ITGB2: variants seen among roughly 807,000 people sequenced by gnomAD.
ITGB2 encodes integrin beta-2.
ITGB2 carries 56 observed loss-of-function variants against 86.8 expected under a neutral mutation model. The observed-to-expected ratio is 0.65, with a 90% CI of 0.52 to 0.81. The LOEUF (loss-of-function observed/expected upper bound fraction) is 0.81. Among genes scored for constraint, ITGB2 ranks in the 30% least tolerant of loss-of-function variants. The pLI is 0.00. For synonymous variants in ITGB2, 457 were observed against 450.4 expected (o/e 1.01, Z -0.19); for missense variants, 948 against 1,061.2 (o/e 0.89, Z 1.48).
rs200615045 is a variant in ITGB2 at position 44,890,060 on chromosome 21, G to A, written c.1575C>T (p.Pro525=). ...GQCLCHTSDV[P]GKLIYGQYCE... is the part of the protein sequence containing the mutation. ...AGTACTGCCCGTATATCAGCTTGCC[G>A]GGGACGTCGCTGGTGTGGCACAGGC... Residue 525 remains proline, a synonymous_variant, in exon 12 of 16, where the codon CCC becomes CCT. Transcript: ENST00000652462. 1.9e-4 allele frequency: 308 copies of A among 1,613,412 alleles called. No homozygotes were observed. The highest frequency in any genetic ancestry group is 1.6e-4 in the Middle Eastern group (1 of 6,084).
upstream of ITGB2, among the ~76,000 whole-genome samples, chr21:44,925,481 A>G (rs1388776800): frequency 6.6e-6 from 1 of 151,560 alleles, no homozygotes; most frequent in Non-Finnish European, 1.5e-5. Flanking sequence ...GGAAGGAAGG[A>G]AAAAGAAAAG....
rs11327948 is a variant in ITGB2, at chr21:44,892,604, C to CAAAA, written c.1225-612_1225-609dup. Among the ~76,000 whole-genome samples the CAAAA allele has an allele frequency of 6.6e-3, 466 of 71,114 alleles. 27 individuals are homozygous for CAAAA. The highest frequency in any genetic ancestry group is 0.03 in the South Asian group (50 of 1,676). 46.7% of individuals were successfully genotyped at this position (71,114 alleles called of 152,430 possible). On this transcript the variant is annotated intron_variant, in intron 10 of 15. Coordinates refer to ENST00000652462, the MANE Select transcript of ITGB2 (RefSeq NM_000211.5). ...TGGGCGACAGAGCGAAACTCCATCT[C>CAAAA]AAAAAAAAAAAAAAAAAAAAAAATC...
chr21:44,896,956 C>T (rs970460463), intron 8 of ITGB2, among the ~76,000 whole-genome samples: 9 of 152,180 alleles, frequency 5.9e-5, no homozygotes, highest in African/African-American at 1.2e-4. Flanking sequence ...AGGAGGGGAC[C>T]GTCATGGCCA....
chr21:44,897,512 C>T (rs2083887371), intron 8 of ITGB2, among the ~76,000 whole-genome samples: 2 of 152,214 alleles, frequency 1.3e-5, no homozygotes, highest in South Asian at 2.1e-4. Context: ...CCCTTTAGGG[C>T]GGCTGCTCTG....
At chr21:44,904,655 A>T (rs550920076) in intron 4 of ITGB2, among the ~76,000 whole-genome samples, 2 of 151,512 alleles carry the variant, frequency 1.3e-5, no homozygotes, top group East Asian at 3.9e-4. Context: ...ACATACACAC[A>T]CCAAACACAC....
intron 11 of ITGB2, among the ~76,000 whole-genome samples, chr21:44,890,709 G>T (rs374139653): frequency 6.6e-6 from 1 of 152,180 alleles, no homozygotes; most frequent in Admixed American, 6.5e-5. Context: ...GCATCAAGCC[G>T]CTGGCAGGCA....
intron 14 of ITGB2, among the ~76,000 whole-genome samples, chr21:44,887,978 GC>G (rs925366764): frequency 1.3e-5 from 2 of 152,222 alleles, no homozygotes; most frequent in Non-Finnish European, 2.9e-5. Flanking sequence ...CCCAGCCCCA[GC>G]CCCTCTGCCT....
rs1280463621 is a variant in ITGB2 at position 44,926,135 on chromosome 21, T to TAAATA, written c.-4+2518_-4+2519insTATTT. ...ATATATATACAATAAATAAATAAAT[T>TAAATA]AATTAATTAATTAAATAAAGGCTGG... On this transcript the variant is annotated intron_variant, in intron 1 of 15. Coordinates refer to the ITGB2 transcript ENST00000355153. Among the ~76,000 whole-genome samples the TAAATA allele has an allele frequency of 1.5e-4, 23 of 150,652 alleles. 1 individual carries two copies. The South Asian group carries it at 3.5e-3, about 23-fold the overall frequency.
At chr21:44,926,201 C>T (rs1422484156) in intron 1 of ITGB2, among the ~76,000 whole-genome samples, 1 of 145,414 alleles carries the variant, frequency 6.9e-6, no homozygotes, top group Non-Finnish European at 1.5e-5. Flanking sequence ...CGTGGGGCTT[C>T]CCAGAGCCGT....
In ITGB2 at chr21:44,910,327, T is replaced by C. The variant is rs746427628; in HGVS notation, c.104A>G (p.Glu35Gly). The change falls in exon 3 of 16, where the codon GAA becomes GGA. Residue 35 changes from glutamate (E) to glycine (G), a missense_variant. Physicochemically the swap from Glu to Gly is moderately conservative, Grantham distance 98. Transcript: ENST00000652462. ...CTKFKVSSCR[E>G]CIESGPGCTW... ...GCAGCCGGGCCCCGACTCGATGCAT[T>C]CCCGGCAGCTGCTGACCTTGAACTT... The C allele has an allele frequency of 5.0e-6, 8 of 1,613,984 alleles. No homozygotes were observed. Among genetic ancestry groups the C allele is most frequent in the African/African-American group, 1.3e-5 (1 of 74,912 alleles).
In ITGB2 at chr21:44,910,580, G is replaced by A. The variant is rs564508160; in HGVS notation, c.58+145C>T. The A allele has an allele frequency of 3.7e-5, 51 of 1,371,192 alleles. No homozygotes were observed. In the East Asian group the frequency reaches 1.2e-3, roughly 32 times the overall value. The allele number at this position is 1,371,192 out of a possible 1,614,324, so 84.9% of individuals were successfully genotyped here. On this transcript the variant is annotated intron_variant, in intron 2 of 15. Transcript: ENST00000652462. ...AGCCTCCTGGCACGTGCGGAGACGA[G>A]GCCTGAGTCCCCGACCTACCCCCAG...
In ITGB2 at chr21:44,886,708, C is replaced by T. The variant is rs753118064; in HGVS notation, c.2247+28G>A. The T allele has an allele frequency of 2.3e-5, 37 of 1,613,732 alleles. No homozygotes were observed. The East Asian group carries it at 2.4e-4, about 11-fold the overall frequency. ...AGTGTGGGACGCACGTGCCCCTCTG[C>T]GTGGGACCCCCAAGGACGGCCACTT... On this transcript the variant is annotated intron_variant, in intron 15 of 15. Transcript: ENST00000652462.
At chr21:44,896,104 C>T (rs913541265) in intron 8 of ITGB2, among the ~76,000 whole-genome samples, 3 of 151,196 alleles carry the variant, frequency 2.0e-5, no homozygotes, top group African/African-American at 7.3e-5. Flanking sequence ...TGCGGTGTGA[C>T]TGCTCCCGCC....
At chr21:44,903,597 C>T (rs912771565) in intron 4 of ITGB2, 62 bp from the exon 5 acceptor site, 123 of 1,597,230 alleles carry the variant, frequency 7.7e-5, no homozygotes, top group Non-Finnish European at 9.7e-5. Flanking sequence ...TGTCTGGGGG[C>T]GTGTGGCCCC....
intron 8 of ITGB2, among the ~76,000 whole-genome samples, chr21:44,897,444 C>T (rs898433334): frequency 4.6e-5 from 7 of 152,146 alleles, no homozygotes; most frequent in South Asian, 2.1e-4. Context: ...AAGAAGATGG[C>T]GGTGATGGCC....
intron 9 of ITGB2, chr21:44,893,805 C>T (rs1284229008): frequency 1.9e-5 from 9 of 480,398 alleles, no homozygotes; most frequent in Non-Finnish European, 3.5e-5. Context: ...TTCTGCTGCT[C>T]CTCAGCCTTG....
chr21:44,924,702 T>C (rs1389674642), upstream of ITGB2, among the ~76,000 whole-genome samples: 1 of 151,958 alleles, frequency 6.6e-6, no homozygotes. Flanking sequence ...AAAACAGCAC[T>C]CCTGAAAAGT....
At chr21:44,899,769 C>T (rs1434273744) in intron 7 of ITGB2, among the ~76,000 whole-genome samples, 1 of 152,226 alleles carries the variant, frequency 6.6e-6, no homozygotes, top group South Asian at 2.1e-4. Context: ...CAGAGAGGCT[C>T]ATCCTAACCC....
At chr21:44,887,893 G>A (rs1351326219) in intron 14 of ITGB2, among the ~76,000 whole-genome samples, 2 of 152,224 alleles carry the variant, frequency 1.3e-5, no homozygotes, top group Non-Finnish European at 1.5e-5. Flanking sequence ...TGGTGAGGGA[G>A]GAGCTCCCAG....
Sources: gnomAD v4.1 joint callset for allele counts (sites outside exome capture counted in the v4.1 genomes callset) on GRCh38, gnomAD v4.1.1 for gene constraint, MANE v1.5 for transcripts, NCBI Gene and HGNC (gene_info 2026-07-23, HGNC 2026-07-21) for gene names.